HSD17B13: variants seen among roughly 807,000 people sequenced by gnomAD.
HSD17B13 encodes hydroxysteroid 17-beta dehydrogenase 13, also known as 17-beta-hydroxysteroid dehydrogenase 13.
In HSD17B13, 26 loss-of-function variants were observed where a neutral mutation model predicts 31.1. The ratio of observed to expected loss-of-function variants is 0.84; its 90% CI spans 0.61 to 1.16. The LOEUF is 1.16. Among genes scored for constraint, HSD17B13 ranks in the 50% most tolerant of loss-of-function variants. The pLI is 0.00. For synonymous variants in HSD17B13, 141 were observed against 133.7 expected, an observed-to-expected ratio of 1.05 and a Z score of -0.38; for missense variants, 374 against 366.5, an observed-to-expected ratio of 1.02 and a Z score of -0.17.
chr4:87,313,561 AG>A (rs761637018), intron 5 of HSD17B13, among the ~76,000 whole-genome samples: 2 of 152,170 alleles, frequency 1.3e-5, no homozygotes, highest in Non-Finnish European at 2.9e-5. Context: ...TTTTAAAGAC[AG>A]GGTGGTAACG....
At position 87,313,875 on chromosome 4, in the gene HSD17B13, A is replaced by C. The variant is rs772092560; in HGVS notation, c.643T>G (p.Cys215Gly). 4 of 1,612,140 alleles carry C rather than the reference A, an allele frequency of 2.5e-6. No individual in the cohort carries two copies. In the Admixed American group the frequency reaches 6.7e-5, roughly 27 times the overall value. The change falls in exon 5 of 7, where the codon TGT becomes GGT. Residue 215 changes from cysteine (C) to glycine (G), a missense_variant. Transcript: ENST00000328546. ...GTATTCACAAAAACTGGGCAGAGACATGAGGTTTTGATACCAGTTTTTCCC... is the reference window on the plus strand; with the variant it reads ...GTATTCACAAAAACTGGGCAGAGACCTGAGGTTTTGATACCAGTTTTTCCC... ...ALGKTGIKTSCLCPVFVNTGF... is the reference protein window; with the variant it reads ...ALGKTGIKTSGLCPVFVNTGF...
chr4:87,320,620 C>T (rs1277157313), intron 1 of HSD17B13, among the ~76,000 whole-genome samples: 1 of 152,124 alleles, frequency 6.6e-6, no homozygotes, highest in Non-Finnish European at 1.5e-5. Context: ...ATCTCCTGAC[C>T]TCGTGATCCG....
intron 1 of HSD17B13, among the ~76,000 whole-genome samples, chr4:87,320,392 T>G (rs201505204): frequency 4.1e-4 from 59 of 144,284 alleles, no homozygotes; most frequent in African/African-American, 1.0e-3. Context: ...GTTTTTTTTT[T>G]TTTTTTTTTT....
intron 6 of HSD17B13, among the ~76,000 whole-genome samples, chr4:87,307,770 GA>G (rs1017771948): frequency 2.6e-5 from 4 of 152,172 alleles, no homozygotes; most frequent in African/African-American, 9.7e-5. Flanking sequence ...CAAAGTGCTG[GA>G]ATTACAGGCG....
chr4:87,309,384 C>CAAAAAAAA (rs369280214), intron 6 of HSD17B13, among the ~76,000 whole-genome samples: 1 of 50,098 alleles, frequency 2.0e-5, no homozygotes, highest in Non-Finnish European at 3.9e-5. Context: ...AACTCTGTCT[C>CAAAAAAAA]AAAAAAAAAA....
chr4:87,316,921 T>G (rs1307919538), intron 3 of HSD17B13, among the ~76,000 whole-genome samples, 171 bp downstream of exon 3: 1 of 152,228 alleles, frequency 6.6e-6, no homozygotes, highest in East Asian at 1.9e-4. Flanking sequence ...TTGAATTCTG[T>G]GTCCTTGTGT....
rs1045499425 is a variant in HSD17B13, at chr4:87,313,747, T to C, written c.695+76A>G. Reference sequence around the variant, plus strand: ...CTTCATTTTCTTCTATTAGTTGGCCTGCCTAAACATTTCTCATTAGTTTTC... The same window carrying C: ...CTTCATTTTCTTCTATTAGTTGGCCCGCCTAAACATTTCTCATTAGTTTTC... On this transcript the variant is annotated intron_variant, in intron 5 of 6. Transcript: ENST00000328546. The C allele has an allele frequency of 6.7e-6, 8 of 1,200,078 alleles. No homozygotes were observed. The Admixed American group carries it at 1.4e-4, about 21-fold the overall frequency. 74.3% of individuals were successfully genotyped at this position (1,200,078 alleles called of 1,614,324 possible).
rs765102735 is a variant in HSD17B13, at chr4:87,305,223, T to G, written c.898A>C (p.Lys300Gln). 2 of 1,595,252 alleles carry G rather than the reference T, an allele frequency of 1.3e-6. No individual in the cohort carries two copies. Residue 300 changes from lysine to glutamine, a missense_variant, in exon 7 of 7, where the codon AAA (lysine) becomes CAA (glutamine). By Grantham distance (53) the Lys-to-Gln change is moderately conservative (BLOSUM62 1). Coordinates refer to ENST00000328546, the MANE Select transcript of HSD17B13 (RefSeq NM_178135.5). ...EAVVGHKIKM[K>Q] ...TCTGGCTGGAGCTTATTTATTCATT[T>G]CATTTTGATTTTGTGGCCAACCACT...
rs148307323 is a variant in HSD17B13 at position 87,310,186 on chromosome 4, G to GAA, written c.812+56_812+57insTT. ...GAGACTCTGTCTAAAAAAAAAAAAA[G>GAA]CAAAAAAAAAAGCTCTATTGGTGTT... On this transcript the variant is annotated intron_variant, in intron 6 of 6. Transcript: ENST00000328546. 1.2e-3 allele frequency: 1,638 copies of GAA among 1,345,436 alleles called. 3 individuals are homozygous for GAA. The highest frequency in any genetic ancestry group is 2.6e-3 in the African/African-American group (152 of 57,620). 83.3% of individuals were successfully genotyped at this position (1,345,436 alleles called of 1,614,324 possible). A position where few individuals can be genotyped will look rare whatever the true frequency, so the allele number is the denominator to read the frequency against.
In HSD17B13 at chr4:87,305,184, A is replaced by G; in HGVS notation, c.*34T>C. On this transcript the variant is annotated 3_prime_UTR_variant, in exon 7 of 7. Transcript: ENST00000328546. ...TTGATTCGAAACTATTCATATCATT[A>G]TCATGCATACATCTCTGGCTGGAGC... 3.0e-6 allele frequency: 4 copies of G among 1,321,978 alleles called. No individual in the cohort carries two copies. The highest frequency in any genetic ancestry group is 4.3e-6 in the Non-Finnish European group (4 of 930,050). The allele number at this position is 1,321,978 out of a possible 1,614,324, so 81.9% of individuals were successfully genotyped here.
chr4:87,312,921 G>A (rs972969387), intron 5 of HSD17B13, among the ~76,000 whole-genome samples: 2 of 151,450 alleles, frequency 1.3e-5, no homozygotes, highest in South Asian at 2.1e-4. Context: ...TTAGCCAGGC[G>A]TGGTGGTGGG....
At position 87,305,300 on chromosome 4, in the gene HSD17B13, G is replaced by T. The variant is rs1734365393; in HGVS notation, c.821C>A (p.Pro274His). Residue 274 changes from proline to histidine, a missense_variant, in exon 7 of 7, where the codon CCT becomes CAT. Transcript: ENST00000328546. ...NIFLRLQKFL[P>H]ERASAILNRM... ...ATTTAAAATCGCTGAGGCGCGTTCA[G>T]GAAGAAACCTGTACAAAAAAGAAAA... 7 of 1,593,698 alleles carry T rather than the reference G, an allele frequency of 4.4e-6. No individual in the cohort carries two copies. Among genetic ancestry groups the T allele is most frequent in the Non-Finnish European group, 6.0e-6 (7 of 1,173,700 alleles).
At chr4:87,311,836 G>A (rs1390197927) in intron 5 of HSD17B13, among the ~76,000 whole-genome samples, 2 of 152,176 alleles carry the variant, frequency 1.3e-5, no homozygotes, top group East Asian at 1.9e-4. Context: ...CCAACAGAGA[G>A]TAATACAAAT....
chr4:87,311,415 G>C (rs919799918), intron 5 of HSD17B13, among the ~76,000 whole-genome samples: 1 of 152,086 alleles, frequency 6.6e-6, no homozygotes, highest in African/African-American at 2.4e-5. Flanking sequence ...CTTGGGGTCT[G>C]GATTGGAACC....
At chr4:87,320,120 C>A (rs2110104590) in intron 1 of HSD17B13, among the ~76,000 whole-genome samples, 1 of 152,208 alleles carries the variant, frequency 6.6e-6, no homozygotes, top group African/African-American at 2.4e-5. Context: ...GTAGGCTAAA[C>A]CCTGGAGCAG....
intron 6 of HSD17B13, among the ~76,000 whole-genome samples, chr4:87,306,906 A>T (rs1453433497): frequency 6.5e-5 from 3 of 46,082 alleles, no homozygotes; most frequent in Non-Finnish European, 9.6e-5. Context: ...GACCCAATCT[A>T]AAAAAAAAAA....
intron 6 of HSD17B13, 111 bp from the exon 7 acceptor site, chr4:87,305,419 A>C: frequency 1.8e-6 from 1 of 560,316 alleles, no homozygotes; most frequent in Non-Finnish European, 2.9e-6. Flanking sequence ...TTTGCGTTTA[A>C]CTTTCCTCCG....
intron 5 of HSD17B13, among the ~76,000 whole-genome samples, chr4:87,311,569 C>T (rs1734530984): frequency 6.6e-6 from 1 of 152,076 alleles, no homozygotes; most frequent in South Asian, 2.1e-4. Context: ...AGGCTGTGTA[C>T]ATGTACTCTT....
At chr4:87,316,723 A>G (rs1734656597) in intron 3 of HSD17B13, among the ~76,000 whole-genome samples, 2 of 152,228 alleles carry the variant, frequency 1.3e-5, no homozygotes, top group South Asian at 4.1e-4. Context: ...ATGAGGACAC[A>G]TTACAAAATC....
Sources: gnomAD v4.1 joint callset for allele counts (sites outside exome capture counted in the v4.1 genomes callset) on GRCh38, gnomAD v4.1.1 for gene constraint, MANE v1.5 for transcripts, NCBI Gene and HGNC (gene_info 2026-07-23, HGNC 2026-07-21) for gene names.